Variants in SLC26A7 observed in about 807,000 individuals in gnomAD.
SLC26A7 encodes solute carrier family 26 member 7, also known as anion exchange transporter.
In SLC26A7, 59 loss-of-function variants were observed where a neutral mutation model predicts 82.5. The ratio of observed to expected loss-of-function variants is 0.72; its 90% CI spans 0.58 to 0.89. SLC26A7 has a LOEUF of 0.89. Among genes scored for constraint, SLC26A7 ranks in the 40% least tolerant of loss-of-function variants. The pLI is 0.00. For synonymous variants in SLC26A7, 271 were observed against 274.3 expected (o/e 0.99, Z 0.12); for missense variants, 820 against 793.0 (o/e 1.03, Z -0.41).
chr8:91,240,304 C>A (rs1333554613), intron 2 of SLC26A7, among the ~76,000 whole-genome samples: 1 of 152,082 alleles, frequency 6.6e-6, no homozygotes, highest in African/African-American at 2.4e-5. Flanking sequence ...GAATATGGTA[C>A]ACAATATCAT....
intron 2 of SLC26A7, among the ~76,000 whole-genome samples, chr8:91,265,208 A>G (rs151182315): frequency 6.6e-6 from 1 of 152,168 alleles, no homozygotes; most frequent in African/African-American, 2.4e-5. Context: ...TGTTTGTACA[A>G]ATGACAGGAT....
chr8:91,367,862 T>C (rs1353798609), intron 14 of SLC26A7, among the ~76,000 whole-genome samples: 1 of 152,190 alleles, frequency 6.6e-6, no homozygotes, highest in African/African-American at 2.4e-5. Flanking sequence ...CAGAAGATCT[T>C]GACCCTCCCA....
intron 2 of SLC26A7, among the ~76,000 whole-genome samples, chr8:91,267,683 T>C (rs919177620): frequency 2.6e-5 from 4 of 151,852 alleles, no homozygotes; most frequent in African/African-American, 7.2e-5. Flanking sequence ...TTTGTTAATT[T>C]TGTCTATCTT....
chr8:91,266,780 G>A (rs1397398677), intron 2 of SLC26A7, among the ~76,000 whole-genome samples: 1 of 151,806 alleles, frequency 6.6e-6, no homozygotes, highest in Non-Finnish European at 1.5e-5. Context: ...GTACTGTGTT[G>A]AATAAAAGTG....
intron 2 of SLC26A7, among the ~76,000 whole-genome samples, chr8:91,224,734 TG>T (rs56194621): frequency 0.48 from 72,301 of 152,016 alleles, 18,626 homozygotes; most frequent in South Asian, 0.66. Context: ...TGTGTTGTGC[TG>T]GGGGGAAACC....
rs1442934876 is a variant in SLC26A7 at position 91,289,007 on chromosome 8, C to T, written c.194-129C>T. 4.8e-5 allele frequency: 30 copies of T among 626,092 alleles called. No individual in the cohort carries two copies. In the East Asian group the frequency reaches 7.2e-4, roughly 15 times the overall value. The allele number at this position is 626,092 out of a possible 1,614,324, so 38.8% of individuals were successfully genotyped here. ...TTTTATTTAGGGCAATAATGCTAGACTCTTGTTGAGCAAGTAGAATAAAGT... is the reference window on the plus strand; with the variant it reads ...TTTTATTTAGGGCAATAATGCTAGATTCTTGTTGAGCAAGTAGAATAAAGT... On this transcript the variant is annotated intron_variant, in intron 2 of 18. Transcript: ENST00000276609.
At chr8:91,225,643 GTTTTTTTTTTTTTTTTTT>G (rs55732709) in intron 2 of SLC26A7, among the ~76,000 whole-genome samples, 10 of 36,120 alleles carry the variant, frequency 2.8e-4, no homozygotes, top group Non-Finnish European at 3.6e-4. Flanking sequence ...CTAGAAAAGT[GTTTTTTTTTTTTTTTTTT>G]TTTTTTTTTT....
intron 18 of SLC26A7, chr8:91,394,402 A>T: frequency 6.8e-7 from 1 of 1,469,732 alleles, no homozygotes; most frequent in Non-Finnish European, 9.0e-7. Context: ...TGGCCTTTTA[A>T]GTTTTTTCTG....
At chr8:91,356,357 T>A (rs1343109072) in intron 11 of SLC26A7, among the ~76,000 whole-genome samples, 2 of 151,896 alleles carry the variant, frequency 1.3e-5, no homozygotes, top group African/African-American at 4.8e-5. Flanking sequence ...AGTGTAAAAG[T>A]GTTCCTGTTT....
At chr8:91,211,595 AATATAT>A (rs144378729) in intron 1 of SLC26A7, among the ~76,000 whole-genome samples, 15 of 140,434 alleles carry the variant, frequency 1.1e-4, no homozygotes, top group Non-Finnish European at 2.3e-4. Context: ...CAATTATACA[AATATAT>A]ATATATATAT....
chr8:91,394,923 T>C (rs1010035306), intron 18 of SLC26A7, 139 bp from the exon 19 acceptor site: 14 of 1,017,530 alleles, frequency 1.4e-5, no homozygotes, highest in Non-Finnish European at 2.1e-5. Flanking sequence ...TGAACTGCTC[T>C]ACTCTGATGC....
At position 91,310,288 on chromosome 8, in the gene SLC26A7, G is replaced by A. The variant is rs550888092; in HGVS notation, c.478-7928G>A. Reference sequence around the variant, plus strand: ...TTTTGGAGAAAATGGAGAAAAGTCCGGTGGTTCTGTGGGTCTTGGCCTTTA... The same window carrying A: ...TTTTGGAGAAAATGGAGAAAAGTCCAGTGGTTCTGTGGGTCTTGGCCTTTA... On this transcript the variant is annotated intron_variant, in intron 4 of 18. Transcript: ENST00000276609. Among the ~76,000 whole-genome samples, 21 of 152,224 alleles carry A rather than the reference G, an allele frequency of 1.4e-4. No individual in the cohort carries two copies. In the South Asian group the frequency reaches 4.0e-3, roughly 29 times the overall value.
chr8:91,269,120 A>G (rs1811196843), intron 2 of SLC26A7, among the ~76,000 whole-genome samples: 1 of 152,090 alleles, frequency 6.6e-6, no homozygotes, highest in South Asian at 2.1e-4. Flanking sequence ...TAAGTGGTTT[A>G]TACACCACAA....
At chr8:91,310,978 G>A (rs1812465774) in intron 4 of SLC26A7, among the ~76,000 whole-genome samples, 1 of 151,626 alleles carries the variant, frequency 6.6e-6, no homozygotes, top group Non-Finnish European at 1.5e-5. Context: ...TGTAAAACTT[G>A]TCTCAGTCTC....
Position 91,249,725 on chromosome 8 carries a change from T to C in SLC26A7, c.74T>C (p.Ile25Thr), listed in dbSNP as rs1810607239. The change falls in exon 2 of 19, where the codon ATA (isoleucine) becomes ACA (threonine). Residue 25 changes from isoleucine to threonine, a missense_variant. Physicochemically the swap from Ile to Thr is moderately conservative, Grantham distance 89 (BLOSUM62 -1). Transcript: ENST00000276609. ...KMHTPQCEDI[I>T]QWCRRRLPIL... ...CATACCCCCCAGTGTGAAGACATTA[T>C]ACAGTGGTGTAGAAGGCGACTGCCC... The C allele has an allele frequency of 6.2e-7, 1 of 1,611,106 alleles. No homozygotes were observed. The highest frequency in any genetic ancestry group is 8.5e-7 in the Non-Finnish European group (1 of 1,178,516).
intron 8 of SLC26A7, among the ~76,000 whole-genome samples, chr8:91,342,216 C>T (rs1210198670): frequency 6.6e-6 from 1 of 152,158 alleles, no homozygotes; most frequent in African/African-American, 2.4e-5. Flanking sequence ...AGGCATGAGC[C>T]ACCGTGCTCA....
At chr8:91,323,984 G>A (rs927894538) in intron 5 of SLC26A7, among the ~76,000 whole-genome samples, 2 of 151,666 alleles carry the variant, frequency 1.3e-5, no homozygotes, top group African/African-American at 2.4e-5. Flanking sequence ...GCATAACCAC[G>A]CCTGGGTAAT....
intron 5 of SLC26A7, among the ~76,000 whole-genome samples, chr8:91,327,630 T>C (rs1362886668): frequency 6.6e-6 from 1 of 152,218 alleles, no homozygotes; most frequent in South Asian, 2.1e-4. Context: ...GGTTGATGAC[T>C]GACTCAAAAT....
chr8:91,340,973 G>A (rs914671752), intron 8 of SLC26A7, among the ~76,000 whole-genome samples: 2 of 148,602 alleles, frequency 1.3e-5, no homozygotes, highest in Admixed American at 1.4e-4. Flanking sequence ...AAATACTTTT[G>A]CATATGTCCT....
Sources: allele counts gnomAD v4.1 joint callset (sites outside exome capture counted in the v4.1 genomes callset), GRCh38; gene constraint gnomAD v4.1.1; transcripts MANE v1.5; gene names NCBI Gene and HGNC (gene_info 2026-07-23, HGNC 2026-07-21).